DPP10: variants seen among roughly 807,000 people sequenced by gnomAD.
The protein encoded by DPP10 is inactive dipeptidyl peptidase 10.
A neutral mutation model predicts 120.9 loss-of-function variants in DPP10; 33 were observed. That is an observed-to-expected ratio of 0.27 (90% CI 0.21 to 0.37). DPP10 has a LOEUF of 0.37. DPP10 is among the 10% of genes least tolerant of loss of function. The pLI, the probability that DPP10 is intolerant of heterozygous loss-of-function variation, is 1.00. For missense variants in DPP10, 816 were observed against 942.8 expected, an observed-to-expected ratio of 0.87 and a Z score of 1.76; for synonymous variants, 337 against 326.1, an observed-to-expected ratio of 1.03 and a Z score of -0.36.
intron 1 of DPP10, among the ~76,000 whole-genome samples, chr2:114,557,178 A>C (rs1293689780): frequency 6.6e-6 from 1 of 152,074 alleles, no homozygotes; most frequent in African/African-American, 2.4e-5. Flanking sequence ...AGTAGTCCCT[A>C]GTTGGTCTGC....
intron 1 of DPP10, among the ~76,000 whole-genome samples, chr2:114,938,607 C>G (rs1323325668): frequency 1.3e-5 from 2 of 151,924 alleles, no homozygotes; most frequent in Non-Finnish European, 2.9e-5. Context: ...TTTTAATTGG[C>G]TAATTTTCCA....
chr2:115,474,209 G>A (rs1209500504), intron 3 of DPP10, among the ~76,000 whole-genome samples: 9 of 152,100 alleles, frequency 5.9e-5, no homozygotes, highest in Admixed American at 5.2e-4. Context: ...ATTGCAATAG[G>A]ACACCAAGAT....
chr2:115,481,270 T>A (rs573129129), intron 3 of DPP10, among the ~76,000 whole-genome samples: 1 of 152,194 alleles, frequency 6.6e-6, no homozygotes, highest in East Asian at 1.9e-4. Flanking sequence ...TTAGGGAAGA[T>A]CTTCTATGTC....
intron 5 of DPP10, among the ~76,000 whole-genome samples, chr2:115,678,977 T>C (rs2090468243): frequency 6.6e-6 from 1 of 152,214 alleles, no homozygotes; most frequent in African/African-American, 2.4e-5. Flanking sequence ...TTTCTCCCAT[T>C]TGAAATAGTT....
chr2:115,633,555 A>G (rs1206576352), intron 5 of DPP10, among the ~76,000 whole-genome samples: 1 of 152,142 alleles, frequency 6.6e-6, no homozygotes, highest in Admixed American at 6.5e-5. Flanking sequence ...CGTTGTACAC[A>G]TGTACCCTAG....
intron 1 of DPP10, among the ~76,000 whole-genome samples, chr2:114,577,037 A>G (rs1383810266): frequency 6.6e-6 from 1 of 152,196 alleles, no homozygotes; most frequent in Non-Finnish European, 1.5e-5. Context: ...GGAGAAAAAT[A>G]TATGGTATGT....
chr2:114,723,963 A>C (rs1701878329), intron 1 of DPP10, among the ~76,000 whole-genome samples: 1 of 152,206 alleles, frequency 6.6e-6, no homozygotes, highest in Non-Finnish European at 1.5e-5. Flanking sequence ...GGATAGGCCC[A>C]ACAAAAGTAA....
intron 1 of DPP10, among the ~76,000 whole-genome samples, chr2:114,615,049 T>C (rs1693573467): frequency 6.6e-6 from 1 of 152,166 alleles, no homozygotes; most frequent in African/African-American, 2.4e-5. Flanking sequence ...AATTTATTAG[T>C]GAGTCCATGG....
intron 5 of DPP10, among the ~76,000 whole-genome samples, chr2:115,659,245 T>C (rs903575087): frequency 2.8e-4 from 42 of 152,150 alleles, no homozygotes; most frequent in African/African-American, 9.4e-4. Flanking sequence ...AGTCAATACA[T>C]TTCTGTTCTT....
At chr2:115,290,810 T>C (rs2060621869) in intron 1 of DPP10, among the ~76,000 whole-genome samples, 1 of 152,148 alleles carries the variant, frequency 6.6e-6, no homozygotes, top group Non-Finnish European at 1.5e-5. Flanking sequence ...CACTCTAGCA[T>C]TGCTTATGAA....
chr2:114,981,504 G>T (rs1574626741), intron 1 of DPP10, among the ~76,000 whole-genome samples: 1 of 152,158 alleles, frequency 6.6e-6, no homozygotes, highest in South Asian at 2.1e-4. Context: ...TAAGAAAAAG[G>T]TCTAAAATGG....
At chr2:115,157,574 C>T (rs1420539032) in intron 1 of DPP10, among the ~76,000 whole-genome samples, 2 of 152,120 alleles carry the variant, frequency 1.3e-5, no homozygotes, top group Non-Finnish European at 2.9e-5. Context: ...TTATAGTTTA[C>T]TGGTTAGAGC....
intron 1 of DPP10, among the ~76,000 whole-genome samples, chr2:114,640,692 T>G (rs1217162209): frequency 1.3e-5 from 2 of 151,854 alleles, no homozygotes. Context: ...CAGCTTTGAT[T>G]GTCTTTCTAC....
At chr2:114,444,321 TA>T (rs1677821420) in intron 1 of DPP10, among the ~76,000 whole-genome samples, 1 of 152,150 alleles carries the variant, frequency 6.6e-6, no homozygotes, top group Non-Finnish European at 1.5e-5. Flanking sequence ...TTGGGATATA[TA>T]AGCTCTAGTG....
chr2:115,020,419 A>G (rs1267671290), intron 1 of DPP10, among the ~76,000 whole-genome samples: 1 of 152,204 alleles, frequency 6.6e-6, no homozygotes, highest in African/African-American at 2.4e-5. Flanking sequence ...ACAAAGAGGG[A>G]CATTATATAA....
chr2:115,727,602 A>G (rs952052617), intron 7 of DPP10, among the ~76,000 whole-genome samples: 14 of 152,158 alleles, frequency 9.2e-5, no homozygotes, highest in African/African-American at 3.4e-4. Flanking sequence ...ACCAAGTGCC[A>G]TGGAATTTCC....
intron 1 of DPP10, among the ~76,000 whole-genome samples, chr2:114,898,279 G>A (rs1432421666): frequency 8.0e-5 from 12 of 149,144 alleles, no homozygotes; most frequent in South Asian, 2.2e-4. Context: ...ATTCTCACTC[G>A]TAGATGGGAA....
At chr2:115,759,782 G>T (rs531471123) in intron 11 of DPP10, among the ~76,000 whole-genome samples, 4 of 151,984 alleles carry the variant, frequency 2.6e-5, no homozygotes, top group Non-Finnish European at 4.4e-5. Flanking sequence ...AGGCGGAGGC[G>T]GGCAGATCAC....
rs148943160 is a variant in DPP10 at position 114,807,307 on chromosome 2, G to T, written c.60+364469G>T. Among the ~76,000 whole-genome samples the T allele has an allele frequency of 1.4e-3, 211 of 152,210 alleles. 2 individuals carry two copies. Among genetic ancestry groups the T allele is most frequent in the African/African-American group, 5.0e-3 (206 of 41,552 alleles). On this transcript the variant is annotated intron_variant, in intron 1 of 25. Coordinates refer to ENST00000410059, the MANE Select transcript of DPP10 (RefSeq NM_020868.6). The stretch of plus-strand genomic sequence containing the variant: ...ATAGTTGTATGTATTTGGGGGGTAC[G>T]TCTTACATTTTCATAACAGTATGCA...
Sources: allele counts gnomAD v4.1 joint callset (sites outside exome capture counted in the v4.1 genomes callset), GRCh38; gene constraint gnomAD v4.1.1; transcripts MANE v1.5; gene names NCBI Gene and HGNC (gene_info 2026-07-23, HGNC 2026-07-21).